Variants in ZYG11B observed in about 807,000 individuals in gnomAD.
ZYG11B encodes zyg-11 family member B, cell cycle regulator.
ZYG11B carries 36 observed loss-of-function variants against 82.4 expected under a neutral mutation model. That is an observed-to-expected ratio of 0.44 (90% CI 0.33 to 0.58). The LOEUF (loss-of-function observed/expected upper bound fraction) is 0.58. ZYG11B is among the 20% of genes least tolerant of loss of function. ZYG11B has a pLI of 0.02. For missense variants in ZYG11B, 552 were observed against 895.6 expected (o/e 0.62, Z 4.90); for synonymous variants, 303 against 312.8 (o/e 0.97, Z 0.33).
chr1:52,784,537 T>C (rs1054824403), intron 4 of ZYG11B, among the ~76,000 whole-genome samples: 3 of 152,110 alleles, frequency 2.0e-5, no homozygotes, highest in African/African-American at 4.8e-5. Flanking sequence ...AATTTGAGAG[T>C]GGAGTGTGCT....
At position 52,802,090 on chromosome 1, in the gene ZYG11B, A is replaced by G; in HGVS notation, c.1648-2A>G. 1 of 1,605,020 alleles carries G rather than the reference A, an allele frequency of 6.2e-7. No individual in the cohort carries two copies. The highest frequency in any genetic ancestry group is 8.5e-7 in the Non-Finnish European group (1 of 1,177,666). ...ATTATAGGTTTCTTTTTCTTTTTAC[A>G]GTCTTTCCCAACTGAGTCATCCATT... On this transcript the variant is annotated splice_acceptor_variant, in intron 9 of 13. Transcript: ENST00000294353. LOFTEE classifies it high-confidence loss of function.
At position 52,803,081 on chromosome 1, in the gene ZYG11B, TATACAC is replaced by T. The variant is rs1278780764; in HGVS notation, c.1695+946_1695+951del. On this transcript the variant is annotated intron_variant, in intron 10 of 13. Transcript: ENST00000294353. ...TTATTTTTGCCACTATATATATATA[TATACAC>T]ATATATATATACATATATATATATA... Among the ~76,000 whole-genome samples, 2 of 41,432 alleles carry T rather than the reference TATACAC, an allele frequency of 4.8e-5. 1 individual carries two copies. Among genetic ancestry groups the T allele is most frequent in the Admixed American group, 7.8e-4 (2 of 2,562 alleles). The allele number at this position is 41,432 out of a possible 152,430, so 27.2% of individuals were successfully genotyped here.
chr1:52,772,967 G>A (rs576352680), intron 3 of ZYG11B, among the ~76,000 whole-genome samples: 92 of 151,916 alleles, frequency 6.1e-4, no homozygotes, highest in Middle Eastern at 3.4e-3. Flanking sequence ...ATGAGCCACC[G>A]CGCCCAGCTA....
At chr1:52,755,563 A>G (rs966711004) in intron 1 of ZYG11B, among the ~76,000 whole-genome samples, 7 of 152,042 alleles carry the variant, frequency 4.6e-5, no homozygotes, top group African/African-American at 1.7e-4. Flanking sequence ...GTGCAATGGC[A>G]TAATCTCAGC....
intron 10 of ZYG11B, among the ~76,000 whole-genome samples, chr1:52,811,207 TG>T (rs1244382788): frequency 6.6e-6 from 1 of 152,208 alleles, no homozygotes; most frequent in African/African-American, 2.4e-5. Context: ...GATAAATTTT[TG>T]GTTGGCTATT....
Position 52,796,301 on chromosome 1 carries a change from A to G in ZYG11B, c.1344A>G (p.Ala448=), listed in dbSNP as rs1406099999. The G allele has an allele frequency of 1.2e-6, 2 of 1,613,726 alleles. No homozygotes were observed. The highest frequency in any genetic ancestry group is 1.1e-5 in the South Asian group (1 of 91,012). Residue 448 remains alanine (A), a synonymous_variant, in exon 7 of 14, where the codon GCA becomes GCG. Transcript: ENST00000294353. ...CTTTTTGTGTTTTCAGGTTTGAAGCAGCCAAGCTTGTCATGCAGTGGCTTT... is the reference window on the plus strand; with the variant it reads ...CTTTTTGTGTTTTCAGGTTTGAAGCGGCCAAGCTTGTCATGCAGTGGCTTT... The part of the protein sequence containing the change: ...LQDVPFNRFE[A]AKLVMQWLCN...
chr1:52,746,967 G>T (rs1440436780), intron 1 of ZYG11B, among the ~76,000 whole-genome samples: 1 of 150,442 alleles, frequency 6.6e-6, no homozygotes, highest in East Asian at 2.0e-4. Context: ...CAAAGGGCAT[G>T]ATATTTGGCA....
chr1:52,808,189 T>C (rs951440553), intron 10 of ZYG11B, among the ~76,000 whole-genome samples: 7 of 151,940 alleles, frequency 4.6e-5, no homozygotes, highest in African/African-American at 1.5e-4. Context: ...ATGGCGAAAC[T>C]CCATCTCTTC....
chr1:52,808,309 A>G (rs1645157796), intron 10 of ZYG11B, among the ~76,000 whole-genome samples: 1 of 152,178 alleles, frequency 6.6e-6, no homozygotes, highest in South Asian at 2.1e-4. Flanking sequence ...GGTTGCAGTG[A>G]GCCGAGATCA....
At chr1:52,767,387 C>T (rs1644707087) in intron 2 of ZYG11B, among the ~76,000 whole-genome samples, 2 of 152,024 alleles carry the variant, frequency 1.3e-5, no homozygotes, top group Non-Finnish European at 2.9e-5. Flanking sequence ...TCACTGCAAC[C>T]TCCGTCGCCT....
At chr1:52,821,047 G>T (rs887063667) in intron 13 of ZYG11B, among the ~76,000 whole-genome samples, 1 of 149,708 alleles carries the variant, frequency 6.7e-6, no homozygotes, top group Non-Finnish European at 1.5e-5. Flanking sequence ...TCGAGATTGC[G>T]CCACTGTACT....
intron 7 of ZYG11B, 149 bp downstream of exon 7, chr1:52,796,540 C>A: frequency 1.1e-6 from 1 of 921,828 alleles, no homozygotes; most frequent in Non-Finnish European, 1.6e-6. Flanking sequence ...CAGAATTTGG[C>A]TGGGCACAGT....
rs892455063 is a variant in ZYG11B, at chr1:52,762,984, G to T, written c.196+6361G>T. 4.0e-4 allele frequency among the ~76,000 whole-genome samples: 56 copies of T among 140,562 alleles called. 1 individual carries two copies. The highest frequency in any genetic ancestry group is 3.6e-3 in the Admixed American group (50 of 14,070). 92.2% of individuals were successfully genotyped at this position (140,562 alleles called of 152,430 possible). ...TTGTAAAGGTGAGAGATTGGGGGGG[G>T]GGGGTCTAGTTTCATTCTTTTGTCT... On this transcript the variant is annotated intron_variant, in intron 2 of 13. Coordinates refer to ENST00000294353, the MANE Select transcript of ZYG11B (RefSeq NM_024646.3).
At chr1:52,768,507 C>T (rs1644718092) in intron 2 of ZYG11B, among the ~76,000 whole-genome samples, 1 of 152,058 alleles carries the variant, frequency 6.6e-6, no homozygotes, top group South Asian at 2.1e-4. Context: ...GAACTACTTG[C>T]CATTTCCTAA....
chr1:52,731,435 C>T (rs1023085846), intron 1 of ZYG11B, among the ~76,000 whole-genome samples: 1 of 152,148 alleles, frequency 6.6e-6, no homozygotes, highest in African/African-American at 2.4e-5. Flanking sequence ...AGGTCACTCT[C>T]CTCTTTATTA....
intron 8 of ZYG11B, among the ~76,000 whole-genome samples, chr1:52,799,210 G>A (rs561332434): frequency 2.7e-4 from 41 of 152,060 alleles, no homozygotes; most frequent in Middle Eastern, 3.4e-3. Flanking sequence ...AAAATAGGCC[G>A]GGCATGGTGG....
In ZYG11B at chr1:52,756,494, T is replaced by C. The variant is rs747728240; in HGVS notation, c.67T>C (p.Leu23=). The change falls in exon 2 of 14, where the codon TTG becomes CTG. Residue 23 remains leucine, a synonymous_variant. Transcript: ENST00000294353. ...TCCCTATTCCTTACTTGATATCTGCTTGAATTTCTTGACTACTCACCTTGA... is the reference window on the plus strand; with the variant it reads ...TCCCTATTCCTTACTTGATATCTGCCTGAATTTCTTGACTACTCACCTTGA... ...ASPYSLLDIC[L]NFLTTHLEKF... is the part of the protein sequence containing the mutation. The C allele has an allele frequency of 6.2e-7, 1 of 1,614,188 alleles. No individual in the cohort carries two copies. Among genetic ancestry groups the C allele is most frequent in the Non-Finnish European group, 8.5e-7 (1 of 1,180,026 alleles).
intron 10 of ZYG11B, among the ~76,000 whole-genome samples, chr1:52,809,915 T>A (rs895678933): frequency 3.9e-5 from 6 of 152,218 alleles, no homozygotes; most frequent in Non-Finnish European, 8.8e-5. Flanking sequence ...TGGATATTAA[T>A]CCCTTATCAG....
intron 10 of ZYG11B, among the ~76,000 whole-genome samples, chr1:52,804,472 G>A (rs956501959): frequency 2.0e-5 from 3 of 152,028 alleles, no homozygotes; most frequent in South Asian, 2.1e-4. Flanking sequence ...AGTTAGCCAG[G>A]TGTGCTGGTA....
Sources: gnomAD v4.1 joint callset for allele counts (sites outside exome capture counted in the v4.1 genomes callset) on GRCh38, gnomAD v4.1.1 for gene constraint, MANE v1.5 for transcripts, NCBI Gene and HGNC (gene_info 2026-07-23, HGNC 2026-07-21) for gene names.